SGCZ: variants seen among roughly 807,000 people sequenced by gnomAD.
The protein encoded by SGCZ is sarcoglycan zeta, also known as zeta-sarcoglycan.
Under a neutral mutation model 41.3 loss-of-function variants are expected in SGCZ, and 40 were observed. That is an observed-to-expected ratio of 0.97 (90% CI 0.75 to 1.26). SGCZ has a LOEUF of 1.26. Among genes scored for constraint, SGCZ ranks in the 50% most tolerant of loss-of-function variants. SGCZ has a pLI of 0.00. For missense variants in SGCZ, 552 were observed against 369.8 expected (o/e 1.49, Z -4.04); for synonymous variants, 206 against 137.5 (o/e 1.50, Z -3.49).
chr8:14,756,678 C>T (rs1172167023), intron 1 of SGCZ, among the ~76,000 whole-genome samples: 3 of 152,124 alleles, frequency 2.0e-5, no homozygotes, highest in African/African-American at 7.2e-5. Flanking sequence ...TTTTGGTCTG[C>T]ATATACTAGT....
rs545668499 is a variant in SGCZ at position 14,272,430 on chromosome 8, G to C, written c.337-34751C>G. Among the ~76,000 whole-genome samples, 8 of 152,330 alleles carry C rather than the reference G, an allele frequency of 5.3e-5. No homozygotes were observed. The South Asian group carries it at 1.4e-3, about 28-fold the overall frequency. ...TAACCACCAGTGTTCTGGTAAAAGT[G>C]TGGCTGGCTCTTCAGAAGTAAAAGT... On this transcript the variant is annotated intron_variant, in intron 3 of 7. Transcript: ENST00000382080.
chr8:14,262,344 C>G (rs534808650), intron 3 of SGCZ, among the ~76,000 whole-genome samples: 1 of 152,184 alleles, frequency 6.6e-6, no homozygotes, highest in South Asian at 2.1e-4. Context: ...TAATTCTGTA[C>G]AATAGCACTT....
chr8:14,143,719 A>T (rs553472181), intron 5 of SGCZ, among the ~76,000 whole-genome samples: 2 of 152,170 alleles, frequency 1.3e-5, no homozygotes, highest in South Asian at 4.1e-4. Flanking sequence ...TGTATGGCTG[A>T]AAGAGGCATG....
At chr8:15,144,905 A>G (rs544064167) in intron 1 of SGCZ, among the ~76,000 whole-genome samples, 7 of 152,324 alleles carry the variant, frequency 4.6e-5, no homozygotes, top group African/African-American at 1.7e-4. Flanking sequence ...GTAACCTGAT[A>G]CATTCCATCT....
intron 1 of SGCZ, among the ~76,000 whole-genome samples, chr8:14,796,579 T>C (rs1478478964): frequency 2.0e-5 from 3 of 152,186 alleles, no homozygotes; most frequent in Non-Finnish European, 4.4e-5. Context: ...GAAGATAACA[T>C]GTACATTAGA....
At chr8:14,925,573 G>C (rs1320779756) in intron 1 of SGCZ, among the ~76,000 whole-genome samples, 1 of 152,160 alleles carries the variant, frequency 6.6e-6, no homozygotes, top group African/African-American at 2.4e-5. Flanking sequence ...CCTACAGCTT[G>C]CCCGTGTGGG....
chr8:14,263,325 G>A (rs1293217956), intron 3 of SGCZ, among the ~76,000 whole-genome samples: 1 of 152,104 alleles, frequency 6.6e-6, no homozygotes, highest in Admixed American at 6.6e-5. Flanking sequence ...GATTCAGGCG[G>A]ATCACTTGAG....
At chr8:14,600,489 A>G (rs1805555513) in intron 1 of SGCZ, among the ~76,000 whole-genome samples, 1 of 152,164 alleles carries the variant, frequency 6.6e-6, no homozygotes, top group Non-Finnish European at 1.5e-5. Flanking sequence ...TTACTTAGTC[A>G]TTAGTTAAGG....
chr8:14,661,362 GA>G (rs540375503), intron 1 of SGCZ, among the ~76,000 whole-genome samples: 132 of 151,988 alleles, frequency 8.7e-4, no homozygotes, highest in African/African-American at 3.1e-3. Flanking sequence ...TAGAAAATAT[GA>G]AAAAAATGTT....
chr8:14,436,594 G>T (rs1014578796), intron 2 of SGCZ, among the ~76,000 whole-genome samples: 2 of 152,148 alleles, frequency 1.3e-5, no homozygotes, highest in South Asian at 4.1e-4. Context: ...AGTACCAAAG[G>T]CACAAGCACT....
chr8:14,427,700 C>G lies in SGCZ; in HGVS notation c.235-103496G>C, dbSNP rs572432687. 1.9e-4 allele frequency among the ~76,000 whole-genome samples: 29 copies of G among 152,202 alleles called. No individual in the cohort carries two copies. The South Asian group carries it at 4.6e-3, about 24-fold the overall frequency. On this transcript the variant is annotated intron_variant, in intron 2 of 7. Transcript: ENST00000382080. ...CAGAAAGCTATCTGCTTGGCAATCT[C>G]CCTATTAGCAGGTAACTATCACAAG...
intron 2 of SGCZ, among the ~76,000 whole-genome samples, chr8:14,533,289 T>G: frequency 6.6e-6 from 1 of 152,072 alleles, no homozygotes; most frequent in Admixed American, 6.6e-5. Flanking sequence ...CCAATGTACC[T>G]TTGTAAAATT....
At chr8:15,204,705 G>C (rs1365988820) in intron 1 of SGCZ, among the ~76,000 whole-genome samples, 1 of 152,078 alleles carries the variant, frequency 6.6e-6, no homozygotes, top group Non-Finnish European at 1.5e-5. Context: ...ACTTATCTTT[G>C]CGACCTTTCA....
chr8:14,508,011 T>A (rs1009149535), intron 2 of SGCZ, among the ~76,000 whole-genome samples: 3 of 152,146 alleles, frequency 2.0e-5, no homozygotes, highest in Admixed American at 2.0e-4. Flanking sequence ...AATCAGGTGA[T>A]CTGGCCGCCT....
intron 1 of SGCZ, among the ~76,000 whole-genome samples, chr8:14,878,541 C>T (rs895210198): frequency 6.6e-6 from 1 of 151,806 alleles, no homozygotes; most frequent in African/African-American, 2.4e-5. Flanking sequence ...ATGAGGTGGC[C>T]CATATACAAT....
intron 1 of SGCZ, among the ~76,000 whole-genome samples, chr8:14,907,480 T>C (rs781020172): frequency 2.6e-5 from 4 of 152,086 alleles, no homozygotes; most frequent in Non-Finnish European, 1.5e-5. Flanking sequence ...AAGCCACTGC[T>C]CCCAGCCTCA....
At chr8:14,373,700 G>A (rs1160270588) in intron 2 of SGCZ, among the ~76,000 whole-genome samples, 1 of 152,192 alleles carries the variant, frequency 6.6e-6, no homozygotes, top group Non-Finnish European at 1.5e-5. Context: ...TTGGTGGAAT[G>A]CTGGGGGCAA....
rs116525503 is a variant in SGCZ, at chr8:14,618,327, C to T, written c.40-63401G>A. 8.9e-3 allele frequency among the ~76,000 whole-genome samples: 1,350 copies of T among 152,228 alleles called. 19 individuals carry two copies. Among genetic ancestry groups the T allele is most frequent in the African/African-American group, 0.031 (1,277 of 41,560 alleles). ...GAATAGAGCCCATTGCATTTTAAAA[C>T]AGTTTACTCAAGGCAAGCCCTGTAG... is the stretch of plus-strand genomic sequence containing the variant. On this transcript the variant is annotated intron_variant, in intron 1 of 7. Coordinates refer to ENST00000382080, the MANE Select transcript of SGCZ (RefSeq NM_139167.4).
chr8:14,976,733 C>T (rs572537306), intron 1 of SGCZ, among the ~76,000 whole-genome samples: 275 of 152,254 alleles, frequency 1.8e-3, no homozygotes, highest in Middle Eastern at 3.4e-3. Context: ...CTTACACCAT[C>T]CCACACCGGT....
Sources: allele counts gnomAD v4.1 joint callset (sites outside exome capture counted in the v4.1 genomes callset), GRCh38; gene constraint gnomAD v4.1.1; transcripts MANE v1.5; gene names NCBI Gene and HGNC (gene_info 2026-07-23, HGNC 2026-07-21).